Variants in TDRD7 observed in about 807,000 individuals in gnomAD.
TDRD7 encodes tudor domain-containing protein 7.
In TDRD7, 47 loss-of-function variants were observed where a neutral mutation model predicts 109.8. That is an observed-to-expected ratio of 0.43 (90% CI 0.34 to 0.55). The LOEUF is 0.55. Ranked by LOEUF, TDRD7 falls within the 20% of genes least tolerant of loss-of-function variation. TDRD7 has a pLI of 0.03. For synonymous variants in TDRD7, 424 were observed against 457.3 expected, an observed-to-expected ratio of 0.93 and a Z score of 0.93; for missense variants, 1,164 against 1,319.2, an observed-to-expected ratio of 0.88 and a Z score of 1.82.
intron 16 of TDRD7, among the ~76,000 whole-genome samples, chr9:97,493,013 A>G (rs890431928): frequency 2.6e-5 from 4 of 152,152 alleles, no homozygotes; most frequent in Admixed American, 6.5e-5. Context: ...GCCCTTTGAC[A>G]TATTTAGGAA....
In TDRD7 at chr9:97,412,555, G is replaced by C. The variant is rs1351588532; in HGVS notation, c.-7+317G>C. On this transcript the variant is annotated intron_variant, in intron 1 of 16. Transcript: ENST00000355295. This position sits in a 1 kb window ranked among gnomAD's most constrained non-coding sequence, Gnocchi z 4.3. The stretch of plus-strand genomic sequence containing the variant: ...CGCCTCGGAAGCTCTGCGCCGTGGG[G>C]GAAATGCAGCAGCGGGGTGTGGACG... Among the ~76,000 whole-genome samples, 3 of 152,204 alleles carry C rather than the reference G, an allele frequency of 2.0e-5. No individual in the cohort carries two copies. The highest frequency in any genetic ancestry group is 7.2e-5 in the African/African-American group (3 of 41,452).
chr9:97,460,753 A>T lies in TDRD7; in HGVS notation c.1431A>T (p.Glu477Asp). The T allele has an allele frequency of 6.2e-7, 1 of 1,613,976 alleles. No individual in the cohort carries two copies. The highest frequency in any genetic ancestry group is 1.3e-5 in the African/African-American group (1 of 75,034). Residue 477 changes from glutamate (E) to aspartate (D), a missense_variant, in exon 7 of 17, where the codon GAA becomes GAT. Glu to Asp is a conservative substitution (Grantham distance 45). Transcript: ENST00000355295. Reference protein sequence around the residue: ...VLVVELSNTNEVVIRYVGKDY... With the variant: ...VLVVELSNTNDVVIRYVGKDY... Reference sequence around the variant, plus strand: ...TGGTTGAACTGAGCAACACAAATGAAGTGGTTATCAGGCAAGTTTCATTTT... The same window carrying T: ...TGGTTGAACTGAGCAACACAAATGATGTGGTTATCAGGCAAGTTTCATTTT...
chr9:97,490,137 C>G (rs1040059635), intron 16 of TDRD7, among the ~76,000 whole-genome samples: 1 of 152,090 alleles, frequency 6.6e-6, no homozygotes, highest in Non-Finnish European at 1.5e-5. Flanking sequence ...AAAAGTTTTA[C>G]TTTACCTTCA....
At chr9:97,473,719 G>T in intron 11 of TDRD7, 93 bp downstream of exon 11, 1 of 1,544,844 alleles carries the variant, frequency 6.5e-7, no homozygotes, top group Non-Finnish European at 8.8e-7. Flanking sequence ...AATTTTTTTT[G>T]TATGAACGAT....
chr9:97,425,089 T>C (rs1426571302), intron 1 of TDRD7, among the ~76,000 whole-genome samples: 2 of 152,178 alleles, frequency 1.3e-5, no homozygotes, highest in Non-Finnish European at 2.9e-5. Flanking sequence ...TTGTACATTT[T>C]ACTTTTACAT....
chr9:97,416,235 C>A (rs570991660), intron 1 of TDRD7, among the ~76,000 whole-genome samples: 1 of 152,246 alleles, frequency 6.6e-6, no homozygotes, highest in Admixed American at 6.5e-5. Context: ...AAAAGGCAGG[C>A]AGGGGGAGGG....
chr9:97,439,783 A>G (rs1329433590), intron 5 of TDRD7, among the ~76,000 whole-genome samples: 3 of 152,260 alleles, frequency 2.0e-5, no homozygotes, highest in Non-Finnish European at 2.9e-5. Flanking sequence ...TCATCTAAAT[A>G]TGAATATAAA....
intron 13 of TDRD7, among the ~76,000 whole-genome samples, chr9:97,479,394 A>G (rs1347378165): frequency 6.6e-6 from 1 of 152,100 alleles, no homozygotes; most frequent in African/African-American, 2.4e-5. Context: ...TGCTACTCTG[A>G]CTTAATAATA....
Position 97,482,838 on chromosome 9 carries a change from G to A in TDRD7, c.2413-11G>A. 6.2e-7 allele frequency: 1 copy of A among 1,611,656 alleles called. No homozygotes were observed. The highest frequency in any genetic ancestry group is 1.1e-5 in the South Asian group (1 of 90,566). ...TTGTATTTCTTATATCATTTTTTGT[G>A]TTTTCCAAAGGTTACAAAAGTGGAT... On this transcript the variant is annotated splice_polypyrimidine_tract_variant and intron_variant, in intron 14 of 16. Coordinates refer to ENST00000355295, the MANE Select transcript of TDRD7 (RefSeq NM_014290.3).
intron 13 of TDRD7, among the ~76,000 whole-genome samples, chr9:97,479,022 C>CT (rs1286199447): frequency 2.6e-5 from 4 of 151,728 alleles, no homozygotes; most frequent in Admixed American, 2.6e-4. Context: ...TCGGCTGATC[C>CT]TTTCTTTATT....
chr9:97,467,479 A>C (rs1828840064), intron 8 of TDRD7, among the ~76,000 whole-genome samples: 1 of 152,194 alleles, frequency 6.6e-6, no homozygotes, highest in African/African-American at 2.4e-5. Context: ...TGTAAATTCA[A>C]ACACTCCCAT....
intron 5 of TDRD7, among the ~76,000 whole-genome samples, chr9:97,441,316 C>G (rs1438815949): frequency 6.6e-6 from 1 of 152,146 alleles, no homozygotes; most frequent in Non-Finnish European, 1.5e-5. Context: ...AAAATGCAAT[C>G]TTCCTCAGCA....
chr9:97,456,969 T>G (rs762122432), intron 6 of TDRD7, among the ~76,000 whole-genome samples: 1 of 151,888 alleles, frequency 6.6e-6, no homozygotes, highest in Non-Finnish European at 1.5e-5. Context: ...CTTAAACATA[T>G]GTACAAGAAA....
chr9:97,475,023 A>G lies in TDRD7; in HGVS notation c.2080-360A>G, dbSNP rs7856119. ...AAATGAAAAGAATAGGCCCACAGAC[A>G]GCTCTCGCAACCTCCTCACTGTTCT... On this transcript the variant is annotated intron_variant, in intron 11 of 16. Coordinates refer to ENST00000355295, the MANE Select transcript of TDRD7 (RefSeq NM_014290.3). Among the ~76,000 whole-genome samples the G allele has an allele frequency of 5.9e-3, 902 of 152,332 alleles. 8 individuals carry two copies. The highest frequency in any genetic ancestry group is 0.021 in the African/African-American group (865 of 41,574).
intron 6 of TDRD7, among the ~76,000 whole-genome samples, chr9:97,447,602 T>C (rs916426406): frequency 3.0e-4 from 46 of 151,940 alleles, no homozygotes; most frequent in African/African-American, 1.1e-3. Context: ...TAAAGAGCAG[T>C]GGAGGAAATG....
At chr9:97,435,249 G>A (rs1415974440) in intron 4 of TDRD7, among the ~76,000 whole-genome samples, 1 of 152,058 alleles carries the variant, frequency 6.6e-6, no homozygotes, top group Admixed American at 6.6e-5. Flanking sequence ...TACTATTAGG[G>A]GAAACAGTGA....
At chr9:97,474,658 A>C (rs111682367) in intron 11 of TDRD7, among the ~76,000 whole-genome samples, 10 of 152,246 alleles carry the variant, frequency 6.6e-5, no homozygotes, top group African/African-American at 2.4e-4. Context: ...TCTTTGAAAA[A>C]TCTGAAACCC....
Position 97,494,814 on chromosome 9 carries a change from G to A in TDRD7, c.3077-849G>A, listed in dbSNP as rs143397969. Among the ~76,000 whole-genome samples, 1,183 of 151,294 alleles carry A rather than the reference G, an allele frequency of 7.8e-3. 13 individuals carry two copies. The highest frequency in any genetic ancestry group is 0.026 in the African/African-American group (1,087 of 41,202). ...CAGCCCTGACCTCCCAGGCTCAAGC[G>A]ATCCTCCTCCCTTAGCCTCCTGAGT... On this transcript the variant is annotated intron_variant, in intron 16 of 16. Transcript: ENST00000355295.
At chr9:97,464,750 C>A in intron 7 of TDRD7, 92 bp from the exon 8 acceptor site, 1 of 1,366,594 alleles carries the variant, frequency 7.3e-7, no homozygotes, top group Non-Finnish European at 1.0e-6. Flanking sequence ...CCAAAGATGG[C>A]AGCAGGGAAA....
Sources: allele counts gnomAD v4.1 joint callset (sites outside exome capture counted in the v4.1 genomes callset), GRCh38; gene constraint gnomAD v4.1.1; non-coding constraint Gnocchi (gnomAD v3.1); transcripts MANE v1.5; gene names NCBI Gene and HGNC (gene_info 2026-07-23, HGNC 2026-07-21).